Variants in SYN1 observed in about 807,000 individuals in gnomAD.
SYN1 encodes synapsin-1.
In SYN1, 8 loss-of-function variants were observed where a neutral mutation model predicts 44.6. The observed-to-expected ratio is 0.18, with a 90% confidence interval of 0.11 to 0.32. The LOEUF (loss-of-function observed/expected upper bound fraction) is 0.32, where lower values mean the gene tolerates loss of function less well. Ranked by LOEUF, SYN1 falls within the 10% of genes least tolerant of loss-of-function variation. The probability of loss-of-function intolerance (pLI) is 1.00; values close to 1 mark genes in which losing one functional copy is unlikely to be tolerated. For synonymous variants in SYN1, 275 were observed against 280.1 expected (o/e 0.98, Z 0.18); for missense variants, 451 against 639.4 (o/e 0.71, Z 3.18).
Position 47,574,780 on chromosome X carries a change from G to T in SYN1, c.1306-5C>A. 1 of 1,179,286 alleles carries T rather than the reference G, an allele frequency of 8.5e-7. No individual in the cohort carries two copies. The highest frequency in any genetic ancestry group is 3.0e-5 in the East Asian group (1 of 32,916). On this transcript the variant is annotated splice_polypyrimidine_tract_variant and splice_region_variant and intron_variant, in intron 10 of 12. Coordinates refer to ENST00000295987, the MANE Select transcript of SYN1 (RefSeq NM_006950.3). ...CAGGGCCCCTGGGGACGGAGTCTGC[G>T]GCAGAGGAATGGAGCAGGAGAGGTT... is the stretch of plus-strand genomic sequence containing the variant.
At chrX:47,617,796 T>G (rs1052910459) in intron 1 of SYN1, among the ~76,000 whole-genome samples, 3 of 111,861 alleles carry the variant, frequency 2.7e-5, no homozygotes, top group Non-Finnish European at 5.7e-5. Context: ...AGGGGAGCCA[T>G]TGGAAGAAAA....
intron 1 of SYN1, among the ~76,000 whole-genome samples, chrX:47,607,944 C>T (rs2057903639): frequency 9.4e-6 from 1 of 106,657 alleles, no homozygotes; most frequent in South Asian, 4.0e-4. Context: ...GCAGGAGAAT[C>T]ACTTGGACCC....
At chrX:47,591,435 T>C (rs1009673636) in intron 5 of SYN1, among the ~76,000 whole-genome samples, 27 of 111,408 alleles carry the variant, frequency 2.4e-4, no homozygotes, top group African/African-American at 8.8e-4. Flanking sequence ...GAAATGTTAG[T>C]ATAGGCCGGG....
At position 47,572,050 on chromosome X, in the gene SYN1, G is replaced by T; in HGVS notation, c.*814C>A. The T allele has an allele frequency of 7.3e-6, 1 of 136,798 alleles. No homozygotes were observed. The allele number at this position is 136,798 out of a possible 1,213,427, so 11.3% of individuals were successfully genotyped here. A position where few individuals can be genotyped will look rare whatever the true frequency, so the allele number is the denominator to read the frequency against. On this transcript the variant is annotated 3_prime_UTR_variant, in exon 13 of 13. Transcript: ENST00000295987. The stretch of plus-strand genomic sequence containing the variant: ...GTCACTGCACGCATCACCACAGGCG[G>T]CACGATGAACGAGGACCACATATGC...
chrX:47,613,000 G>A (rs2057920628), intron 1 of SYN1, among the ~76,000 whole-genome samples: 2 of 110,679 alleles, frequency 1.8e-5, no homozygotes, highest in South Asian at 7.7e-4. Context: ...GGGCGTGGTG[G>A]CGCACGCCTG....
intron 5 of SYN1, among the ~76,000 whole-genome samples, chrX:47,578,125 A>G (rs1260799870): frequency 1.8e-5 from 2 of 110,935 alleles, no homozygotes; most frequent in Non-Finnish European, 3.8e-5. Flanking sequence ...AGCGTGGGTC[A>G]GCAGCCAGCA....
intron 5 of SYN1, among the ~76,000 whole-genome samples, chrX:47,600,337 G>A (rs1019799311): frequency 3.6e-5 from 4 of 110,946 alleles, no homozygotes; most frequent in Admixed American, 9.7e-5. Context: ...GACTATAGGC[G>A]TGTGCCACCA....
chrX:47,579,849 G>GCCCCCCCCCCCCCCCC (rs140381513), intron 5 of SYN1, among the ~76,000 whole-genome samples: 19 of 83,156 alleles, frequency 2.3e-4, no homozygotes, highest in African/African-American at 5.0e-4. Flanking sequence ...TGTTTTTGTC[G>GCCCCCCCCCCCCCCCC]CCCCCCCACC....
At chrX:47,618,135 G>A (rs1430434983) in intron 1 of SYN1, among the ~76,000 whole-genome samples, 1 of 112,510 alleles carries the variant, frequency 8.9e-6, no homozygotes, top group African/African-American at 3.2e-5. Flanking sequence ...GACTGGAATG[G>A]TACACACAGC....
chrX:47,608,223 AAAGGAAGG>A (rs1158172239), intron 1 of SYN1, among the ~76,000 whole-genome samples: 6 of 56,622 alleles, frequency 1.1e-4, no homozygotes, highest in African/African-American at 3.1e-4. Flanking sequence ...AAATAAAGAG[AAAGGAAGG>A]AAGGAAGGAA....
intron 1 of SYN1, among the ~76,000 whole-genome samples, chrX:47,612,907 C>A (rs1003102125): frequency 1.8e-5 from 2 of 109,896 alleles, no homozygotes; most frequent in Non-Finnish European, 3.8e-5. Context: ...CCGAGGTGGG[C>A]GGATTACCTG....
intron 5 of SYN1, among the ~76,000 whole-genome samples, chrX:47,583,712 G>A (rs55696512): frequency 0.28 from 31,276 of 110,765 alleles, 3,561 homozygotes; most frequent in South Asian, 0.45. Context: ...GCCCACCACA[G>A]GATCTGCATG....
chrX:47,586,457 G>A, intron 5 of SYN1: 5 of 1,176,676 alleles, frequency 4.2e-6, no homozygotes, highest in Non-Finnish European at 5.7e-6. Flanking sequence ...CTGAGGAGAG[G>A]AAGTTCTGCT....
intron 5 of SYN1, among the ~76,000 whole-genome samples, chrX:47,592,198 T>A (rs774630654): frequency 4.8e-4 from 53 of 110,666 alleles, no homozygotes; most frequent in African/African-American, 1.6e-3. Flanking sequence ...ATAAAAAAAT[T>A]AGCTATACAT....
At chrX:47,599,610 C>A (rs1455879791) in intron 5 of SYN1, among the ~76,000 whole-genome samples, 3 of 112,222 alleles carry the variant, frequency 2.7e-5, no homozygotes, top group Non-Finnish European at 5.6e-5. Flanking sequence ...GTGGAAATAC[C>A]ACTCCTAAAA....
intron 5 of SYN1, among the ~76,000 whole-genome samples, chrX:47,598,320 AC>A (rs1329718476): frequency 3.6e-5 from 4 of 111,715 alleles, no homozygotes; most frequent in African/African-American, 1.3e-4. Context: ...TCTTTGTATT[AC>A]TGAGCTTAAT....
intron 12 of SYN1, 96 bp downstream of exon 12, chrX:47,573,906 C>G: frequency 1.2e-6 from 1 of 841,618 alleles, no homozygotes; most frequent in Non-Finnish European, 1.6e-6. Flanking sequence ...TGCATAGGAC[C>G]TGGGTCTGAG....
At chrX:47,576,446 T>G in intron 7 of SYN1, 40 bp from the exon 8 acceptor site, 2 of 1,211,656 alleles carry the variant, frequency 1.7e-6, no homozygotes, top group Non-Finnish European at 2.2e-6. Flanking sequence ...GTGCCTCAGC[T>G]GCATGAGGCA....
intron 1 of SYN1, among the ~76,000 whole-genome samples, chrX:47,619,003 G>A (rs1281907722): frequency 9.0e-6 from 1 of 111,019 alleles, no homozygotes; most frequent in Non-Finnish European, 1.9e-5. Flanking sequence ...AGATCCATTA[G>A]AGGACAAGGC....
Sources: allele counts gnomAD v4.1 joint callset (sites outside exome capture counted in the v4.1 genomes callset), GRCh38; gene constraint gnomAD v4.1.1; transcripts MANE v1.5; gene names NCBI Gene and HGNC (gene_info 2026-07-23, HGNC 2026-07-21).